The following AKIRIN2 variants were observed in gnomAD, a reference collection of about 807,000 sequenced individuals.
AKIRIN2 encodes akirin-2.
A neutral mutation model predicts 29.3 loss-of-function variants in AKIRIN2; 6 were observed. The ratio of observed to expected loss-of-function variants is 0.20; its 90% confidence interval spans 0.11 to 0.40. AKIRIN2 has a LOEUF of 0.40. AKIRIN2 is among the 10% of genes least tolerant of loss of function. The pLI is 1.00. For synonymous variants in AKIRIN2, 128 were observed against 117.5 expected (o/e 1.09, Z -0.58); for missense variants, 210 against 276.1 (o/e 0.76, Z 1.70).
At chr6:87,686,380 CA>C (rs1317902059) in intron 1 of AKIRIN2, among the ~76,000 whole-genome samples, 5 of 151,854 alleles carry the variant, frequency 3.3e-5, no homozygotes. Context: ...GCAAGATAAA[CA>C]GCATCAAGAT....
chr6:87,675,446 T>G lies in AKIRIN2; in HGVS notation c.*151A>C, dbSNP rs572502868. 1.1e-5 allele frequency: 12 copies of G among 1,070,708 alleles called. No homozygotes were observed. In the South Asian group the frequency reaches 1.7e-4, roughly 15 times the overall value. 66.3% of individuals were successfully genotyped at this position (1,070,708 alleles called of 1,614,324 possible). ...ACATCAGGGAAATTTCCAAAACCAG[T>G]TGCTGCTGCCTAAGAGTGGTTGCCA... On this transcript the variant is annotated 3_prime_UTR_variant, in exon 5 of 5. Transcript: ENST00000257787.
chr6:87,686,157 G>C (rs1403049170), intron 1 of AKIRIN2, among the ~76,000 whole-genome samples: 1 of 152,124 alleles, frequency 6.6e-6, no homozygotes, highest in Non-Finnish European at 1.5e-5. Flanking sequence ...AGAGGTTGCA[G>C]TGAGCTGAGA....
intron 2 of AKIRIN2, among the ~76,000 whole-genome samples, chr6:87,680,262 T>C (rs942170015): frequency 6.6e-6 from 1 of 151,734 alleles, no homozygotes; most frequent in Non-Finnish European, 1.5e-5. Flanking sequence ...CTAATTTTAT[T>C]TGACTATGTT....
At chr6:87,700,739 T>C (rs746591100) in intron 1 of AKIRIN2, 9 of 154,330 alleles carry the variant, frequency 5.8e-5, no homozygotes, top group Non-Finnish European at 1.0e-4. Flanking sequence ...CAGCCCCAAT[T>C]TTCAATGCAA....
chr6:87,676,052 A>G, intron 3 of AKIRIN2, 121 bp from the exon 4 acceptor site: 1 of 751,182 alleles, frequency 1.3e-6, no homozygotes, highest in Non-Finnish European at 2.2e-6. Flanking sequence ...ACATAACCTC[A>G]GTAGTACTAA....
intron 1 of AKIRIN2, among the ~76,000 whole-genome samples, chr6:87,682,910 G>C (rs1771140157): frequency 6.6e-6 from 1 of 152,126 alleles, no homozygotes. Context: ...GGGCAACATA[G>C]AGGGACCGTG....
chr6:87,693,374 T>C (rs540631362), intron 1 of AKIRIN2, among the ~76,000 whole-genome samples: 84 of 152,288 alleles, frequency 5.5e-4, no homozygotes, highest in Non-Finnish European at 1.0e-3. Context: ...TTCAAGACTC[T>C]AAAATGCCTC....
Position 87,675,331 on chromosome 6 carries a change from T to G in AKIRIN2, c.*266A>C. On this transcript the variant is annotated 3_prime_UTR_variant, in exon 5 of 5. Coordinates refer to ENST00000257787, the MANE Select transcript of AKIRIN2 (RefSeq NM_018064.4). Reference sequence around the variant, plus strand: ...TACCAGCTTTAATCCTTTTCAAACATTAATATAAGAAGCCAAATTGTAATG... The same window carrying G: ...TACCAGCTTTAATCCTTTTCAAACAGTAATATAAGAAGCCAAATTGTAATG... 2.0e-6 allele frequency: 1 copy of G among 511,362 alleles called. No individual in the cohort carries two copies. The allele number at this position is 511,362 out of a possible 1,614,324, so 31.7% of individuals were successfully genotyped here.
chr6:87,690,220 C>A lies in AKIRIN2; in HGVS notation c.236-8457G>T, dbSNP rs78913891. ...AAACTCCATCTCAAAAAAAAAAAAACCAAAAAAACAAAAAAAACCAACTCT... is the reference window on the plus strand; with the variant it reads ...AAACTCCATCTCAAAAAAAAAAAAAACAAAAAAACAAAAAAAACCAACTCT... On this transcript the variant is annotated intron_variant, in intron 1 of 4. Coordinates refer to ENST00000257787, the MANE Select transcript of AKIRIN2 (RefSeq NM_018064.4). Among the ~76,000 whole-genome samples the A allele has an allele frequency of 4.5e-3, 639 of 142,764 alleles. 7 individuals are homozygous for A. The highest frequency in any genetic ancestry group is 0.015 in the African/African-American group (592 of 38,564). 93.7% of individuals were successfully genotyped at this position (142,764 alleles called of 152,430 possible). A position where few individuals can be genotyped will look rare whatever the true frequency, so the allele number is the denominator to read the frequency against.
At chr6:87,698,271 T>C (rs536350304) in intron 1 of AKIRIN2, among the ~76,000 whole-genome samples, 37 of 152,066 alleles carry the variant, frequency 2.4e-4, no homozygotes, top group South Asian at 1.2e-3. Flanking sequence ...GTAAGCAAAC[T>C]TTTTCTGTAA....
chr6:87,700,752 T>C (rs913157533), intron 1 of AKIRIN2: 1 of 154,570 alleles, frequency 6.5e-6, no homozygotes, highest in African/African-American at 2.4e-5. Context: ...CAATGCAATA[T>C]GCTTATTAAA....
At chr6:87,680,561 G>A (rs749849975) in intron 2 of AKIRIN2, among the ~76,000 whole-genome samples, 5 of 151,504 alleles carry the variant, frequency 3.3e-5, no homozygotes, top group African/African-American at 4.8e-5. Flanking sequence ...ATGAGCCACC[G>A]CGCCCAGCCG....
chr6:87,701,470 A>G lies in AKIRIN2; in HGVS notation c.215T>C (p.Val72Ala), dbSNP rs1347174575. 2 of 1,518,892 alleles carry G rather than the reference A, an allele frequency of 1.3e-6. No individual in the cohort carries two copies. The highest frequency in any genetic ancestry group is 2.1e-5 in the Admixed American group (1 of 46,724). The allele number at this position is 1,518,892 out of a possible 1,614,324, so 94.1% of individuals were successfully genotyped here. A position where few individuals can be genotyped will look rare whatever the true frequency, so the allele number is the denominator to read the frequency against. Residue 72 changes from valine (V) to alanine (A), a missense_variant, in exon 1 of 5, where the codon GTC (valine) becomes GCC (alanine). Physicochemically the swap from Val to Ala is moderately conservative, Grantham distance 64. Around this residue, in one of 2 missense-constraint regions of AKIRIN2, gnomAD observed 199 missense variants for 236.5 expected, o/e 0.84. Coordinates refer to ENST00000257787, the MANE Select transcript of AKIRIN2 (RefSeq NM_018064.4). The stretch of plus-strand genomic sequence containing the variant: ...CCCACCTGTGGTGAGGCGGGAGGAG[A>G]CGTCGCCGAAGGGGGATGGCTCCAT... ...LRMEPSPFGD[V>A]SSRLTTEQIL...
intron 1 of AKIRIN2, among the ~76,000 whole-genome samples, chr6:87,682,579 G>T (rs181852003): frequency 6.6e-6 from 1 of 152,034 alleles, no homozygotes; most frequent in Non-Finnish European, 1.5e-5. Flanking sequence ...CTGCCTAGGG[G>T]TTTCCACTCC....
Position 87,675,502 on chromosome 6 carries a change from C to T in AKIRIN2, c.*95G>A, listed in dbSNP as rs757450298. 192 of 1,526,284 alleles carry T rather than the reference C, an allele frequency of 1.3e-4. No homozygotes were observed. The highest frequency in any genetic ancestry group is 1.6e-4 in the Non-Finnish European group (181 of 1,102,388). 94.5% of individuals were successfully genotyped at this position (1,526,284 alleles called of 1,614,324 possible). A position where few individuals can be genotyped will look rare whatever the true frequency, so the allele number is the denominator to read the frequency against. ...GAAAGCTTGAAATAACCTGTATTCA[C>T]AGAAGGGGTATTGGCATTGCTGCAT... On this transcript the variant is annotated 3_prime_UTR_variant, in exon 5 of 5. Coordinates refer to ENST00000257787, the MANE Select transcript of AKIRIN2 (RefSeq NM_018064.4).
At chr6:87,695,779 T>C (rs989072225) in intron 1 of AKIRIN2, among the ~76,000 whole-genome samples, 1 of 152,210 alleles carries the variant, frequency 6.6e-6, no homozygotes, top group African/African-American at 2.4e-5. Flanking sequence ...TCTTTTCAAA[T>C]AGGAAAGATA....
At chr6:87,683,365 C>A (rs1032282562) in intron 1 of AKIRIN2, among the ~76,000 whole-genome samples, 19 of 152,124 alleles carry the variant, frequency 1.2e-4, no homozygotes, top group Admixed American at 1.2e-3. Flanking sequence ...TTGTTTAATA[C>A]GGGTTATGCT....
chr6:87,685,745 C>A (rs1005994670), intron 1 of AKIRIN2, among the ~76,000 whole-genome samples: 6 of 152,130 alleles, frequency 3.9e-5, no homozygotes, highest in Non-Finnish European at 8.8e-5. Context: ...CTAAAAACTA[C>A]CTTACTCTTT....
At chr6:87,690,018 C>T (rs1771253660) in intron 1 of AKIRIN2, among the ~76,000 whole-genome samples, 1 of 152,132 alleles carries the variant, frequency 6.6e-6, no homozygotes, top group Non-Finnish European at 1.5e-5. Flanking sequence ...GGAGGCCAGC[C>T]TGGCCAACAT....
Sources: allele counts gnomAD v4.1 joint callset (sites outside exome capture counted in the v4.1 genomes callset), GRCh38; gene constraint gnomAD v4.1.1; regional missense constraint gnomAD v4.1.1; transcripts MANE v1.5; gene names NCBI Gene and HGNC (gene_info 2026-07-23, HGNC 2026-07-21).